Variants in CACNA2D4 observed in about 807,000 individuals in gnomAD.
CACNA2D4 encodes voltage-dependent calcium channel subunit alpha-2/delta-4.
CACNA2D4 carries 157 observed loss-of-function variants against 163.8 expected under a neutral mutation model. The observed-to-expected ratio is 0.96, with a 90% CI of 0.84 to 1.09. CACNA2D4 has a LOEUF of 1.09. CACNA2D4 is among the 50% of genes least tolerant of loss of function. The pLI, the probability that CACNA2D4 is intolerant of heterozygous loss-of-function variation, is 0.00. For synonymous variants in CACNA2D4, 598 were observed against 586.9 expected (o/e 1.02, Z -0.27); for missense variants, 1,410 against 1,479.9 (o/e 0.95, Z 0.78).
At position 1,851,235 on chromosome 12, in the gene CACNA2D4, T is replaced by G. The variant is rs530339016; in HGVS notation, c.2246+2716A>C. Among the ~76,000 whole-genome samples, 5 of 152,378 alleles carry G rather than the reference T, an allele frequency of 3.3e-5. No homozygotes were observed. The East Asian group carries it at 9.6e-4, about 29-fold the overall frequency. ...TTATCCGTCATTCCTTTATTGCTTC[T>G]GAATTTTGAGTCATTGTTGGGAAAG... On this transcript the variant is annotated intron_variant, in intron 23 of 37. Coordinates refer to ENST00000382722, the MANE Select transcript of CACNA2D4 (RefSeq NM_172364.5).
chr12:1,827,317 C>T (rs1211760817), intron 26 of CACNA2D4: 1 of 152,696 alleles, frequency 6.5e-6, no homozygotes, highest in African/African-American at 2.4e-5. Context: ...CCCCTTGTCC[C>T]CCGCGAAGGA....
chr12:1,904,200 A>C (rs1193080037), intron 6 of CACNA2D4, among the ~76,000 whole-genome samples: 1 of 152,076 alleles, frequency 6.6e-6, no homozygotes, highest in Non-Finnish European at 1.5e-5. Flanking sequence ...AAAAATTAGA[A>C]TAATAGCTAC....
At chr12:1,804,769 T>C (rs1046913938) in intron 29 of CACNA2D4, among the ~76,000 whole-genome samples, 2 of 152,248 alleles carry the variant, frequency 1.3e-5, no homozygotes, top group African/African-American at 4.8e-5. Context: ...CTCTGGGAAG[T>C]GGACTCGAAG....
At chr12:1,864,538 G>A (rs1865597941) in intron 18 of CACNA2D4, among the ~76,000 whole-genome samples, 1 of 152,184 alleles carries the variant, frequency 6.6e-6, no homozygotes, top group Non-Finnish European at 1.5e-5. Context: ...AGCCCAGGGG[G>A]ATGAACAGAG....
At chr12:1,850,158 C>T (rs150018585) in intron 23 of CACNA2D4, among the ~76,000 whole-genome samples, 15 of 152,316 alleles carry the variant, frequency 9.8e-5, no homozygotes, top group Non-Finnish European at 1.5e-4. Context: ...AAATTCCCCT[C>T]GACGGGGTTT....
rs367648838 is a variant in CACNA2D4 at position 1,867,030 on chromosome 12, T to C, written c.1879-6824A>G. Among the ~76,000 whole-genome samples the C allele has an allele frequency of 7.9e-5, 12 of 152,310 alleles. No homozygotes were observed. The South Asian group carries it at 2.1e-3, about 26-fold the overall frequency. On this transcript the variant is annotated intron_variant, in intron 18 of 37. Transcript: ENST00000382722. Reference sequence around the variant, plus strand: ...ACAGTTTTTTCTTCTCTTGGCACTTTAACGATGTTATTTTGTTGGTTCTTA... The same window carrying C: ...ACAGTTTTTTCTTCTCTTGGCACTTCAACGATGTTATTTTGTTGGTTCTTA...
At chr12:1,851,161 G>T (rs1490251589) in intron 23 of CACNA2D4, among the ~76,000 whole-genome samples, 1 of 151,616 alleles carries the variant, frequency 6.6e-6, no homozygotes, top group Admixed American at 6.6e-5. Context: ...GGGACTACAG[G>T]CACGAGCCAC....
intron 1 of CACNA2D4, among the ~76,000 whole-genome samples, chr12:1,916,512 C>G (rs904357407): frequency 2.0e-5 from 3 of 152,162 alleles, no homozygotes; most frequent in Admixed American, 2.0e-4. Context: ...GGAGAGTGTG[C>G]AGCGTGAGAT....
At chr12:1,805,485 A>C (rs1281998865) in intron 29 of CACNA2D4, among the ~76,000 whole-genome samples, 6 of 152,172 alleles carry the variant, frequency 3.9e-5, no homozygotes, top group African/African-American at 1.4e-4. Flanking sequence ...GTGGACACTC[A>C]AGTCCCTGTG....
intron 23 of CACNA2D4, among the ~76,000 whole-genome samples, chr12:1,849,497 G>A (rs991659183): frequency 3.3e-5 from 5 of 152,156 alleles, no homozygotes; most frequent in Admixed American, 3.3e-4. Context: ...CCGTATGTTC[G>A]ATTATTTAAT....
At chr12:1,797,362 C>T in intron 35 of CACNA2D4, 56 bp downstream of exon 35, 2 of 1,333,540 alleles carry the variant, frequency 1.5e-6, no homozygotes, top group East Asian at 5.0e-5. Flanking sequence ...GCACTTCCGC[C>T]TTGCCGAGGG....
At position 1,828,373 on chromosome 12, in the gene CACNA2D4, G is replaced by A. The variant is rs768339003; in HGVS notation, c.2551+12366C>T. On this transcript the variant is annotated intron_variant, in intron 26 of 37. Coordinates refer to ENST00000382722, the MANE Select transcript of CACNA2D4 (RefSeq NM_172364.5). The surrounding 1 kb of genome is among the most constrained non-coding windows in gnomAD (Gnocchi z 4.2). The stretch of plus-strand genomic sequence containing the variant: ...CCGAGGCTATGTTCTGGGAAGCCAG[G>A]GTCACGCCCACGGTGACAGCATCCC... Among the ~76,000 whole-genome samples the A allele has an allele frequency of 6.6e-6, 1 of 152,214 alleles. No individual in the cohort carries two copies. Among genetic ancestry groups the A allele is most frequent in the African/African-American group, 2.4e-5 (1 of 41,452 alleles).
chr12:1,877,350 C>A (rs1865904109), intron 16 of CACNA2D4, among the ~76,000 whole-genome samples: 1 of 152,100 alleles, frequency 6.6e-6, no homozygotes, highest in Admixed American at 6.5e-5. Context: ...CTGGGGCTGT[C>A]CCCCGCAGAA....
chr12:1,797,632 T>A, intron 34 of CACNA2D4, 97 bp from the exon 35 acceptor site: 4 of 898,136 alleles, frequency 4.5e-6, no homozygotes, highest in South Asian at 1.4e-5. Flanking sequence ...CCCCAGTGCA[T>A]TTGCAGAGGG....
chr12:1,853,614 G>A (rs1024666760), intron 23 of CACNA2D4, among the ~76,000 whole-genome samples: 3 of 152,134 alleles, frequency 2.0e-5, no homozygotes, highest in African/African-American at 7.2e-5. Context: ...CCAGCAAAGG[G>A]AGCGAGGATT....
chr12:1,914,910 C>A lies in CACNA2D4; in HGVS notation c.253G>T (p.Gly85Cys). The A allele has an allele frequency of 6.2e-7, 1 of 1,613,686 alleles. No individual in the cohort carries two copies. Among genetic ancestry groups the A allele is most frequent in the Non-Finnish European group, 8.5e-7 (1 of 1,179,674 alleles). ...GTCACAGTGTTATACAGGTCCCCGC[C>A]GAAGGTGTCAGCCCATAGCTTCACT... ...ETVKLWADTF[G>C]GDLYNTVTKY... The change falls in exon 2 of 38, where the codon GGC (glycine) becomes TGC (cysteine). Residue 85 changes from glycine to cysteine, a missense_variant. Physicochemically the swap from Gly to Cys is radical, Grantham distance 159. Transcript: ENST00000382722.
At chr12:1,895,459 C>T (rs1471986456) in intron 6 of CACNA2D4, among the ~76,000 whole-genome samples, 1 of 151,894 alleles carries the variant, frequency 6.6e-6, no homozygotes, top group Non-Finnish European at 1.5e-5. Context: ...AAACAAAAAA[C>T]AAAGCTGGAG....
intron 37 of CACNA2D4, among the ~76,000 whole-genome samples, chr12:1,794,689 C>CA (rs1354098563): frequency 3.3e-5 from 5 of 152,222 alleles, no homozygotes; most frequent in African/African-American, 9.7e-5. Flanking sequence ...ACACGTAGGC[C>CA]AAGGCACGGG....
At chr12:1,816,400 G>A (rs1863872252) in intron 26 of CACNA2D4, among the ~76,000 whole-genome samples, 2 of 152,176 alleles carry the variant, frequency 1.3e-5, no homozygotes, top group South Asian at 4.1e-4. Context: ...AGGAGGGCCT[G>A]TCATGACCTG....
Sources: allele counts gnomAD v4.1 joint callset (sites outside exome capture counted in the v4.1 genomes callset), GRCh38; gene constraint gnomAD v4.1.1; non-coding constraint Gnocchi (gnomAD v3.1); transcripts MANE v1.5; gene names NCBI Gene and HGNC (gene_info 2026-07-23, HGNC 2026-07-21).